The following CSMD1 variants were observed in gnomAD, a reference collection of about 807,000 sequenced individuals.
CSMD1 encodes CUB and sushi domain-containing protein 1.
A neutral mutation model predicts 417.5 loss-of-function variants in CSMD1; 213 were observed. The observed-to-expected ratio is 0.51, with a 90% CI of 0.46 to 0.57. The LOEUF (loss-of-function observed/expected upper bound fraction) is 0.57. CSMD1 is among the 20% of genes least tolerant of loss of function. The probability of loss-of-function intolerance (pLI) is 0.00; values close to 1 mark genes in which losing one functional copy is unlikely to be tolerated. For missense variants in CSMD1, 6,923 were observed against 4,529.7 expected, an observed-to-expected ratio of 1.53 and a Z score of -15.17; for synonymous variants, 2,862 against 1,736.8, an observed-to-expected ratio of 1.65 and a Z score of -16.11.
At chr8:3,980,937 C>T (rs1813815064) in intron 5 of CSMD1, among the ~76,000 whole-genome samples, 1 of 152,150 alleles carries the variant, frequency 6.6e-6, no homozygotes, top group South Asian at 2.1e-4. Flanking sequence ...CCGCCGTTCC[C>T]AGTGGTTTTC....
At chr8:3,063,354 G>A (rs1421264311) in intron 49 of CSMD1, among the ~76,000 whole-genome samples, 5 of 152,148 alleles carry the variant, frequency 3.3e-5, no homozygotes, top group African/African-American at 1.2e-4. Flanking sequence ...AATAATGAGT[G>A]CTGACAAAGA....
rs1554476819 is a variant in CSMD1 at position 3,893,362 on chromosome 8, T to TATATATATATATATATATATATATA, written c.818+104540_818+104541insTATATATATATATATATATATATAT. On this transcript the variant is annotated intron_variant, in intron 5 of 69. Coordinates refer to ENST00000635120, the MANE Select transcript of CSMD1 (RefSeq NM_033225.6). ...TTTTATATATATATATATATATATA[T>TATATATATATATATATATATATATA]TATTTTTTTTCTTAGAGGGTCATCA... 4.0e-3 allele frequency among the ~76,000 whole-genome samples: 502 copies of TATATATATATATATATATATATATA among 125,080 alleles called. 3 individuals carry two copies. The highest frequency in any genetic ancestry group is 5.4e-3 in the Non-Finnish European group (315 of 58,016). 82.1% of individuals were successfully genotyped at this position (125,080 alleles called of 152,430 possible).
intron 1 of CSMD1, among the ~76,000 whole-genome samples, chr8:4,745,736 A>G (rs1174868878): frequency 1.3e-5 from 2 of 152,204 alleles, no homozygotes; most frequent in African/African-American, 2.4e-5. Context: ...TTAATGGAGT[A>G]ACACTCTCCA....
chr8:3,002,796 C>A (rs990419450), intron 52 of CSMD1, among the ~76,000 whole-genome samples: 1 of 152,222 alleles, frequency 6.6e-6, no homozygotes, highest in African/African-American at 2.4e-5. Context: ...GCAAGCCTGA[C>A]AGCCATGACT....
intron 5 of CSMD1, among the ~76,000 whole-genome samples, chr8:3,827,322 G>A (rs114416634): frequency 0.015 from 2,208 of 152,162 alleles, 46 homozygotes; most frequent in African/African-American, 0.037. Context: ...CTATATAAAA[G>A]AATTAAACAA....
intron 40 of CSMD1, among the ~76,000 whole-genome samples, chr8:3,149,982 C>T (rs148138707): frequency 6.6e-6 from 1 of 152,274 alleles, no homozygotes; most frequent in Non-Finnish European, 1.5e-5. Context: ...TTACACATAC[C>T]TCTGAAAGAA....
At chr8:3,406,336 A>C (rs1347265712) in intron 14 of CSMD1, 115 bp from the exon 15 acceptor site, 1 of 778,724 alleles carries the variant, frequency 1.3e-6, no homozygotes, top group East Asian at 2.8e-5. Flanking sequence ...GTATATAATT[A>C]TATAAATTTC....
chr8:3,674,793 G>A (rs1018808548), intron 7 of CSMD1, among the ~76,000 whole-genome samples: 2 of 152,242 alleles, frequency 1.3e-5, no homozygotes, highest in African/African-American at 2.4e-5. Context: ...TTTCAAAGAG[G>A]TGAAACCAAT....
At chr8:4,014,063 T>C (rs1213413692) in intron 4 of CSMD1, among the ~76,000 whole-genome samples, 1 of 152,140 alleles carries the variant, frequency 6.6e-6, no homozygotes, top group Non-Finnish European at 1.5e-5. Context: ...TCAAAGGCAA[T>C]AAAAACAACT....
chr8:4,650,186 A>G (rs988067419), intron 1 of CSMD1, among the ~76,000 whole-genome samples: 3 of 151,922 alleles, frequency 2.0e-5, no homozygotes, highest in Admixed American at 6.6e-5. Flanking sequence ...TCTAATAAAA[A>G]TCCAAAAAAT....
At chr8:3,175,615 G>C (rs1391986995) in intron 37 of CSMD1, among the ~76,000 whole-genome samples, 1 of 148,586 alleles carries the variant, frequency 6.7e-6, no homozygotes, top group African/African-American at 2.5e-5. Context: ...CCTTCCTGAG[G>C]TTGCCTTTGC....
At position 4,578,332 on chromosome 8, in the gene CSMD1, A is replaced by ATTTTTTTTT. The variant is rs1172600205; in HGVS notation, c.302+59001_302+59009dup. Among the ~76,000 whole-genome samples, 149 of 48,764 alleles carry ATTTTTTTTT rather than the reference A, an allele frequency of 3.1e-3. 25 individuals are homozygous for ATTTTTTTTT. Among genetic ancestry groups the ATTTTTTTTT allele is most frequent in the African/African-American group, 6.5e-3 (85 of 13,096 alleles). 32.0% of individuals were successfully genotyped at this position (48,764 alleles called of 152,430 possible). A position where few individuals can be genotyped will look rare whatever the true frequency, so the allele number is the denominator to read the frequency against. On this transcript the variant is annotated intron_variant, in intron 2 of 69. Transcript: ENST00000635120. Reference sequence around the variant, plus strand: ...AGGCACCTGCCACGACACCCGGCTCATTTTTTTTTTTTTTTTTTTTTTTTT... The same window carrying ATTTTTTTTT: ...AGGCACCTGCCACGACACCCGGCTCATTTTTTTTTTTTTTTTTTTTTTTTTTTTTTTTTT...
At chr8:4,964,501 CCAAA>C (rs1765925959) in intron 1 of CSMD1, among the ~76,000 whole-genome samples, 1 of 81,044 alleles carries the variant, frequency 1.2e-5, no homozygotes, top group Non-Finnish European at 2.2e-5. Flanking sequence ...GACCCTGTCT[CCAAA>C]AAAAAAAAAA....
intron 10 of CSMD1, among the ~76,000 whole-genome samples, chr8:3,504,944 T>A (rs191000454): frequency 6.6e-6 from 1 of 152,048 alleles, no homozygotes; most frequent in Non-Finnish European, 1.5e-5. Context: ...AGAAAATGCT[T>A]AAGCACAACA....
intron 26 of CSMD1, among the ~76,000 whole-genome samples, chr8:3,265,416 T>C (rs187927541): frequency 3.7e-4 from 57 of 152,260 alleles, no homozygotes; most frequent in Middle Eastern, 3.4e-3. Flanking sequence ...GTAAGAATCA[T>C]ATTAAATGGG....
chr8:3,523,641 G>A (rs1386589111), intron 10 of CSMD1, among the ~76,000 whole-genome samples: 1 of 148,486 alleles, frequency 6.7e-6, no homozygotes, highest in Non-Finnish European at 1.5e-5. Flanking sequence ...CGAGACACGT[G>A]CACACACAGG....
chr8:4,639,762 C>A (rs1803081465), intron 1 of CSMD1, among the ~76,000 whole-genome samples: 1 of 152,062 alleles, frequency 6.6e-6, no homozygotes, highest in African/African-American at 2.4e-5. Flanking sequence ...TCAGTGAGCT[C>A]AAATCATTCA....
At chr8:4,314,347 G>A (rs927630875) in intron 3 of CSMD1, among the ~76,000 whole-genome samples, 2 of 152,172 alleles carry the variant, frequency 1.3e-5, no homozygotes, top group Non-Finnish European at 1.5e-5. Context: ...GCCTCCACCT[G>A]CCATAGAACA....
At chr8:3,921,740 G>A (rs1357555480) in intron 5 of CSMD1, among the ~76,000 whole-genome samples, 1 of 152,068 alleles carries the variant, frequency 6.6e-6, no homozygotes, top group South Asian at 2.1e-4. Context: ...ATAAGAGTCA[G>A]GAAAGTTACC....
Sources: allele counts gnomAD v4.1 joint callset (sites outside exome capture counted in the v4.1 genomes callset), GRCh38; gene constraint gnomAD v4.1.1; transcripts MANE v1.5; gene names NCBI Gene and HGNC (gene_info 2026-07-23, HGNC 2026-07-21).